The following HMCN2 variants were observed in gnomAD, a reference collection of about 807,000 sequenced individuals.
HMCN2 encodes hemicentin-2.
Under a neutral mutation model 377.5 loss-of-function variants are expected in HMCN2, and 325 were observed. The observed-to-expected ratio is 0.86, with a 90% CI of 0.79 to 0.94. The LOEUF (loss-of-function observed/expected upper bound fraction) is 0.94, where lower values mean the gene tolerates loss of function less well. HMCN2 is among the 40% of genes least tolerant of loss of function. The pLI, the probability that HMCN2 is intolerant of heterozygous loss-of-function variation, is 0.00. For missense variants in HMCN2, 4,543 were observed against 4,725.3 expected (o/e 0.96, Z 1.13); for synonymous variants, 2,007 against 2,046.8 (o/e 0.98, Z 0.53).
chr9:130,354,175 G>A (rs1839895194), intron 31 of HMCN2, among the ~76,000 whole-genome samples: 1 of 152,204 alleles, frequency 6.6e-6, no homozygotes, highest in African/African-American at 2.4e-5. Context: ...TGCCCCTTGT[G>A]CCCTGGTAAT....
At chr9:130,313,643 G>T (rs1349359235) in intron 15 of HMCN2, among the ~76,000 whole-genome samples, 2 of 151,934 alleles carry the variant, frequency 1.3e-5, no homozygotes. Flanking sequence ...GAGCTGACCA[G>T]CGCTCGGTGA....
chr9:130,402,873 A>G lies in HMCN2; in HGVS notation c.11855A>G (p.Lys3952Arg), dbSNP rs1160498526. ...CGCAACTCTGCCGGCGTAGCCCACA[A>G]GCACGTCTTCCTCACTGTGCAAGGT... ...SARNSAGVAH[K>R]HVFLTVQASP... Residue 3952 changes from lysine to arginine, a missense_variant, in exon 78 of 98, where the codon AAG (lysine) becomes AGG (arginine). Physicochemically the swap from Lys to Arg is conservative, Grantham distance 26. This residue lies in a region of HMCN2 where 1,073 missense variants were observed against 1,319.5 expected (regional missense o/e 0.81). Transcript: ENST00000683500. 7.8e-7 allele frequency: 1 copy of G among 1,289,610 alleles called. No individual in the cohort carries two copies. Among genetic ancestry groups the G allele is most frequent in the African/African-American group, 1.5e-5 (1 of 65,852 alleles). The allele number at this position is 1,289,610 out of a possible 1,614,324, so 79.9% of individuals were successfully genotyped here.
chr9:130,314,134 C>T (rs923627211), intron 15 of HMCN2, among the ~76,000 whole-genome samples: 40 of 152,272 alleles, frequency 2.6e-4, no homozygotes, highest in African/African-American at 9.6e-4. Flanking sequence ...GCTTCTTAGT[C>T]CCATCCTGGA....
chr9:130,341,470 C>G (rs1704990471), intron 24 of HMCN2, 105 bp downstream of exon 24: 1 of 152,280 alleles, frequency 6.6e-6, no homozygotes, highest in African/African-American at 2.4e-5. Context: ...CTGCCCGTTC[C>G]CTTCCTTCGT....
chr9:130,391,325 C>T lies in HMCN2; in HGVS notation c.9789C>T (p.Asp3263=), dbSNP rs979647795. ...QPPPDVAWLK[D]GSPLGQDMGP... is the part of the protein sequence containing the mutation. Reference sequence around the variant, plus strand: ...CGCCGGACGTGGCCTGGCTGAAGGACGGCAGCCCGCTGGGCCAGGACATGG... The same window carrying T: ...CGCCGGACGTGGCCTGGCTGAAGGATGGCAGCCCGCTGGGCCAGGACATGG... The change falls in exon 64 of 98, where the codon GAC becomes GAT. Residue 3263 remains aspartate, a synonymous_variant. Coordinates refer to ENST00000683500, the MANE Select transcript of HMCN2 (RefSeq NM_001291815.2). The T allele has an allele frequency of 3.6e-5, 36 of 987,532 alleles. No homozygotes were observed. The highest frequency in any genetic ancestry group is 1.2e-4 in the African/African-American group (7 of 57,312). 61.2% of individuals were successfully genotyped at this position (987,532 alleles called of 1,614,324 possible).
chr9:130,306,331 A>G, intron 12 of HMCN2, 61 bp downstream of exon 12: 1 of 462,218 alleles, frequency 2.2e-6, no homozygotes, highest in Non-Finnish European at 4.5e-6. Flanking sequence ...CTCCCAGGGG[A>G]CCTCTCTGGG....
rs199553506 is a variant in HMCN2 at position 130,307,426 on chromosome 9, C to T, written c.2087-27C>T. On this transcript the variant is annotated intron_variant, in intron 13 of 97. Transcript: ENST00000683500. ...CTTTATGACCTTTGAAGGTTGGTCCCAAATTCTGCATCTCTTCCCCACACA... is the reference window on the plus strand; with the variant it reads ...CTTTATGACCTTTGAAGGTTGGTCCTAAATTCTGCATCTCTTCCCCACACA... The T allele has an allele frequency of 3.6e-3, 1,687 of 470,550 alleles. 10 individuals are homozygous for T. The highest frequency in any genetic ancestry group is 5.1e-3 in the Non-Finnish European group (1,157 of 227,022). 29.1% of individuals were successfully genotyped at this position (470,550 alleles called of 1,614,324 possible).
intron 15 of HMCN2, among the ~76,000 whole-genome samples, chr9:130,313,873 G>A (rs1225365075): frequency 3.5e-5 from 5 of 144,346 alleles, no homozygotes; most frequent in African/African-American, 1.1e-4. Context: ...TCTGCCTCCC[G>A]GGTGCAAGTG....
chr9:130,375,729 G>A lies in HMCN2; in HGVS notation c.7797G>A (p.Leu2599=). 1.0e-6 allele frequency: 1 copy of A among 985,902 alleles called. No individual in the cohort carries two copies. The highest frequency in any genetic ancestry group is 1.2e-6 in the Non-Finnish European group (1 of 829,970). 61.1% of individuals were successfully genotyped at this position (985,902 alleles called of 1,614,324 possible). A position where few individuals can be genotyped will look rare whatever the true frequency, so the allele number is the denominator to read the frequency against. The part of the protein sequence containing the change: ...APFEASRNIQ[L]LPGTHGLQIL... ...TTGAGGCCTCCAGGAACATCCAGCT[G>A]CTCCCAGGTGACGCCCTCTGGGGGG... The change falls in exon 50 of 98, where the codon CTG becomes CTA. Residue 2599 remains leucine, a synonymous_variant. Transcript: ENST00000683500.
intron 93 of HMCN2, 102 bp from the exon 94 acceptor site, chr9:130,429,455 G>A: frequency 7.0e-7 from 1 of 1,422,132 alleles, no homozygotes. Flanking sequence ...ACTGGAGAAG[G>A]GGACAGGGAG....
chr9:130,392,692 G>C (rs1260579035), intron 66 of HMCN2, among the ~76,000 whole-genome samples: 1 of 152,140 alleles, frequency 6.6e-6, no homozygotes, highest in Non-Finnish European at 1.5e-5. Context: ...GGGGCACCGG[G>C]AACCCAGGTA....
chr9:130,405,633 C>T (rs1027862530), intron 81 of HMCN2, among the ~76,000 whole-genome samples: 4 of 152,250 alleles, frequency 2.6e-5, no homozygotes, highest in African/African-American at 9.6e-5. Context: ...CTGTTGGGCC[C>T]TCTATCAGGG....
intron 22 of HMCN2, among the ~76,000 whole-genome samples, chr9:130,327,930 C>G (rs1358795460): frequency 6.6e-6 from 1 of 152,184 alleles, no homozygotes; most frequent in Non-Finnish European, 1.5e-5. Flanking sequence ...GCTCCCGGTC[C>G]GGGATCCTGG....
At chr9:130,290,472 G>A (rs782006343) in intron 4 of HMCN2, among the ~76,000 whole-genome samples, 1 of 152,304 alleles carries the variant, frequency 6.6e-6, no homozygotes, top group Admixed American at 6.5e-5. Flanking sequence ...GGTAATTGTC[G>A]ACTGGTGCTT....
Position 130,428,986 on chromosome 9 carries a change from CGTG to C in HMCN2, c.14197+499_14197+501del, listed in dbSNP as rs1436218804. Among the ~76,000 whole-genome samples, 2 of 152,204 alleles carry C rather than the reference CGTG, an allele frequency of 1.3e-5. No individual in the cohort carries two copies. The highest frequency in any genetic ancestry group is 2.4e-5 in the African/African-American group (1 of 41,444). On this transcript the variant is annotated intron_variant, in intron 93 of 97. Coordinates refer to ENST00000683500, the MANE Select transcript of HMCN2 (RefSeq NM_001291815.2). This position sits in a 1 kb window ranked among gnomAD's most constrained non-coding sequence, Gnocchi z 5.0. ...CTCTAACAGTCTATGGCTGTAGGAC[CGTG>C]GGTCCACCCGGCTCCTCTGAGAGAC... is the stretch of plus-strand genomic sequence containing the variant.
chr9:130,267,439 C>T (rs1376593119), intron 1 of HMCN2, among the ~76,000 whole-genome samples: 1 of 26,816 alleles, frequency 3.7e-5, no homozygotes, highest in African/African-American at 1.1e-4. Context: ...AAATAAAACA[C>T]ACACACACAC....
At chr9:130,332,599 G>GCTGGCT (rs1265649026) in intron 22 of HMCN2, among the ~76,000 whole-genome samples, 6 of 152,212 alleles carry the variant, frequency 3.9e-5, no homozygotes, top group Non-Finnish European at 7.3e-5. Flanking sequence ...GTGCGATGGC[G>GCTGGCT]CTGGCTCCGT....
intron 85 of HMCN2, among the ~76,000 whole-genome samples, chr9:130,418,495 T>C (rs142537445): frequency 0.039 from 5,925 of 152,060 alleles, 378 homozygotes; most frequent in African/African-American, 0.13. Flanking sequence ...TGCAGTGAGC[T>C]GAGATCGCAC....
In HMCN2 at chr9:130,405,002, C is replaced by T. The variant is rs761360791; in HGVS notation, c.12282C>T (p.Gly4094=). ...ACAAAGATGGCCAGCCTGTGTCGGG[C>T]GCCGAGGGGAAGTTCACCATCCAGC... is the stretch of plus-strand genomic sequence containing the variant. ...TWDKDGQPVS[G]AEGKFTIQPS... is the part of the protein sequence containing the mutation. Residue 4094 remains glycine, a synonymous_variant, in exon 81 of 98, where the codon GGC becomes GGT. Transcript: ENST00000683500. 38 of 1,289,546 alleles carry T rather than the reference C, an allele frequency of 2.9e-5. No individual in the cohort carries two copies. Among genetic ancestry groups the T allele is most frequent in the Non-Finnish European group, 3.5e-5 (35 of 988,786 alleles). 79.9% of individuals were successfully genotyped at this position (1,289,546 alleles called of 1,614,324 possible).
Sources: gnomAD v4.1 joint callset for allele counts (sites outside exome capture counted in the v4.1 genomes callset) on GRCh38, gnomAD v4.1.1 for gene constraint, gnomAD v4.1.1 regional missense constraint, Gnocchi (gnomAD v3.1) non-coding constraint, MANE v1.5 for transcripts, NCBI Gene and HGNC (gene_info 2026-07-23, HGNC 2026-07-21) for gene names.